CHN2: variants seen among roughly 807,000 people sequenced by gnomAD.
CHN2 encodes beta-chimaerin.
Under a neutral mutation model 56.3 loss-of-function variants are expected in CHN2, and 35 were observed. That is an observed-to-expected ratio of 0.62 (90% confidence interval 0.47 to 0.82). CHN2 has a LOEUF of 0.82. Among genes scored for constraint, CHN2 ranks in the 40% least tolerant of loss-of-function variants. The probability of loss-of-function intolerance (pLI) is 0.00; values close to 1 mark genes in which losing one functional copy is unlikely to be tolerated. For missense variants in CHN2, 491 were observed against 580.5 expected (o/e 0.85, Z 1.58); for synonymous variants, 210 against 212.8 (o/e 0.99, Z 0.12).
intron 3 of CHN2, among the ~76,000 whole-genome samples, chr7:29,392,019 G>A (rs1335923644): frequency 6.6e-6 from 1 of 152,158 alleles, no homozygotes; most frequent in Admixed American, 6.5e-5. Context: ...GAAGGGAATA[G>A]GGTTGAGAGC....
At chr7:29,479,811 A>C (rs186586860) in intron 6 of CHN2, 1 of 1,248,030 alleles carries the variant, frequency 8.0e-7, no homozygotes, top group African/African-American at 1.5e-5. Flanking sequence ...GCCTCCCTGA[A>C]TCCTCAGTGG....
chr7:29,326,775 A>G (rs1209338595), intron 1 of CHN2, among the ~76,000 whole-genome samples: 1 of 152,208 alleles, frequency 6.6e-6, no homozygotes, highest in African/African-American at 2.4e-5. Context: ...CAGACTTGTC[A>G]TTCTACCTCC....
At chr7:29,176,047 G>C (rs1405978923) in intron 2 of CHN2, among the ~76,000 whole-genome samples, 1 of 152,122 alleles carries the variant, frequency 6.6e-6, no homozygotes, top group Admixed American at 6.5e-5. Context: ...TTAGCCAGGC[G>C]TGGTGGTGGG....
chr7:29,335,027 T>A (rs10226610), intron 1 of CHN2, among the ~76,000 whole-genome samples: 1 of 152,098 alleles, frequency 6.6e-6, no homozygotes, highest in Non-Finnish European at 1.5e-5. Context: ...TTTGAATAGG[T>A]TGAATATAAT....
intron 1 of CHN2, among the ~76,000 whole-genome samples, chr7:29,295,383 CTT>C (rs1031231696): frequency 1.3e-5 from 2 of 149,858 alleles, no homozygotes; most frequent in African/African-American, 4.9e-5. Context: ...TTATATCATA[CTT>C]TTTTGGTATT....
At chr7:29,228,585 G>T (rs1175953308) in intron 1 of CHN2, among the ~76,000 whole-genome samples, 1 of 152,170 alleles carries the variant, frequency 6.6e-6, no homozygotes, top group Non-Finnish European at 1.5e-5. Context: ...ACATGAATAC[G>T]CATCATAAAC....
intron 3 of CHN2, among the ~76,000 whole-genome samples, chr7:29,376,642 T>C (rs1297089102): frequency 6.6e-6 from 1 of 152,160 alleles, no homozygotes; most frequent in Non-Finnish European, 1.5e-5. Flanking sequence ...TCCTCCCTAA[T>C]CCCTTAGGAT....
At chr7:29,374,766 T>A (rs1169598752) in intron 3 of CHN2, among the ~76,000 whole-genome samples, 1 of 151,614 alleles carries the variant, frequency 6.6e-6, no homozygotes, top group Non-Finnish European at 1.5e-5. Flanking sequence ...CCGGAGAAGA[T>A]TCTTCAATCT....
At chr7:29,407,137 T>C (rs1205891695) in intron 6 of CHN2, among the ~76,000 whole-genome samples, 1 of 152,162 alleles carries the variant, frequency 6.6e-6, no homozygotes, top group African/African-American at 2.4e-5. Flanking sequence ...AGGGGAATCG[T>C]GGAGACCATC....
At chr7:29,319,719 T>C (rs1214483453) in intron 1 of CHN2, among the ~76,000 whole-genome samples, 3 of 152,202 alleles carry the variant, frequency 2.0e-5, no homozygotes, top group Admixed American at 6.5e-5. Context: ...GCATTTCTCT[T>C]CACTCCCATG....
At chr7:29,489,271 C>T (rs369847999) in intron 7 of CHN2, among the ~76,000 whole-genome samples, 3 of 152,082 alleles carry the variant, frequency 2.0e-5, no homozygotes, top group African/African-American at 4.8e-5. Context: ...CCAGGCAGAC[C>T]GTGCCTAGTG....
intron 4 of CHN2, chr7:29,397,791 G>T (rs572393560): frequency 6.6e-6 from 1 of 152,470 alleles, no homozygotes; most frequent in South Asian, 2.1e-4. Flanking sequence ...TGGTAGAGAA[G>T]ATAAATTTAT....
chr7:29,283,922 C>CTTTTTTTTT lies in CHN2; in HGVS notation c.50-70681_50-70673dup, dbSNP rs70980520. Among the ~76,000 whole-genome samples, 36 of 70,004 alleles carry CTTTTTTTTT rather than the reference C, an allele frequency of 5.1e-4. 6 individuals carry two copies. Among genetic ancestry groups the CTTTTTTTTT allele is most frequent in the African/African-American group, 1.7e-3 (26 of 15,710 alleles). 45.9% of individuals were successfully genotyped at this position (70,004 alleles called of 152,430 possible). A position where few individuals can be genotyped will look rare whatever the true frequency, so the allele number is the denominator to read the frequency against. On this transcript the variant is annotated intron_variant, in intron 1 of 12. Transcript: ENST00000222792. ...AGGAGCCACCGTTCCCAGCCAAGCT[C>CTTTTTTTTT]TTTTTTTTTTTTTTTTTTTTTTTTT...
chr7:29,458,379 A>G (rs1339896590), intron 6 of CHN2, among the ~76,000 whole-genome samples: 3 of 4,812 alleles, frequency 6.2e-4, no homozygotes, highest in Admixed American at 2.0e-3. Flanking sequence ...ATAGCTGTGC[A>G]CACACACACA....
At position 29,509,328 on chromosome 7, in the gene CHN2, A is replaced by C; in HGVS notation, c.1157A>C (p.Glu386Ala). The C allele has an allele frequency of 6.2e-7, 1 of 1,614,064 alleles. No homozygotes were observed. Among genetic ancestry groups the C allele is most frequent in the Non-Finnish European group, 8.5e-7 (1 of 1,179,926 alleles). ...AKISNADERLEAVHEVLMLLP... is the reference protein window; with the variant it reads ...AKISNADERLAAVHEVLMLLP... ...ATCTCCAATGCAGATGAGAGGCTGG[A>C]AGCCGTCCATGAAGTGCTGATGCTG... The change falls in exon 12 of 13, where the codon GAA (glutamate) becomes GCA (alanine). Residue 386 changes from glutamate (E) to alanine (A), a missense_variant. Coordinates refer to ENST00000222792, the MANE Select transcript of CHN2 (RefSeq NM_004067.4).
chr7:29,448,259 G>T (rs1784168043), intron 6 of CHN2, among the ~76,000 whole-genome samples: 1 of 149,984 alleles, frequency 6.7e-6, no homozygotes, highest in Non-Finnish European at 1.5e-5. Context: ...GAAACTTTCT[G>T]GGTTTTTTTT....
rs956314866 is a variant in CHN2 at position 29,495,169 on chromosome 7, T to C, written c.655-783T>C. Among the ~76,000 whole-genome samples the C allele has an allele frequency of 2.0e-5, 3 of 152,296 alleles. No individual in the cohort carries two copies. In the South Asian group the frequency reaches 6.2e-4, roughly 32 times the overall value. ...CCTTCTTAAAGCTCTTTGATGCCAGTATTTTTGCTTTGTTTTGTTTTCATT... is the reference window on the plus strand; with the variant it reads ...CCTTCTTAAAGCTCTTTGATGCCAGCATTTTTGCTTTGTTTTGTTTTCATT... On this transcript the variant is annotated intron_variant, in intron 7 of 12. Coordinates refer to ENST00000222792, the MANE Select transcript of CHN2 (RefSeq NM_004067.4).
In CHN2 at chr7:29,211,317, A is replaced by T. The variant is rs1263613499; in HGVS notation, c.49+16327A>T. 2.0e-5 allele frequency among the ~76,000 whole-genome samples: 3 copies of T among 151,288 alleles called. No individual in the cohort carries two copies. In the East Asian group the frequency reaches 5.8e-4, roughly 29 times the overall value. ...ATGGTCTCGATCTCCTGACCTCGTGATCCGCCTGCCTCAGCCTCCCAAAGT... is the reference window on the plus strand; with the variant it reads ...ATGGTCTCGATCTCCTGACCTCGTGTTCCGCCTGCCTCAGCCTCCCAAAGT... On this transcript the variant is annotated intron_variant, in intron 1 of 12. Coordinates refer to ENST00000222792, the MANE Select transcript of CHN2 (RefSeq NM_004067.4).
At chr7:29,355,363 A>G (rs1348445957) in intron 2 of CHN2, among the ~76,000 whole-genome samples, 2 of 152,202 alleles carry the variant, frequency 1.3e-5, no homozygotes, top group African/African-American at 4.8e-5. Context: ...TAAGGATAAA[A>G]TATCATATGA....
Sources: gnomAD v4.1 joint callset for allele counts (sites outside exome capture counted in the v4.1 genomes callset) on GRCh38, gnomAD v4.1.1 for gene constraint, MANE v1.5 for transcripts, NCBI Gene and HGNC (gene_info 2026-07-23, HGNC 2026-07-21) for gene names.